Variants in RNF212 observed in about 807,000 individuals in gnomAD.
RNF212 encodes the protein ring finger protein 212, also known as probable E3 SUMO-protein ligase RNF212.
In RNF212, 33 loss-of-function variants were observed where a neutral mutation model predicts 34.7. That is an observed-to-expected ratio of 0.95 (90% CI 0.72 to 1.27). The LOEUF is 1.27. RNF212 is among the 50% of genes most tolerant of loss of function. The pLI, the probability that RNF212 is intolerant of heterozygous loss-of-function variation, is 0.00. For synonymous variants in RNF212, 140 were observed against 136.1 expected (o/e 1.03, Z -0.20); for missense variants, 377 against 362.2 (o/e 1.04, Z -0.33).
chr4:1,089,849 C>T (rs527689791), intron 4 of RNF212, among the ~76,000 whole-genome samples: 10 of 152,314 alleles, frequency 6.6e-5, no homozygotes, highest in African/African-American at 1.4e-4. Flanking sequence ...TGCCTTCTGC[C>T]GTGACTGTAA....
chr4:1,096,638 C>A, intron 3 of RNF212, 127 bp downstream of exon 3: 2 of 686,506 alleles, frequency 2.9e-6, no homozygotes, highest in Non-Finnish European at 2.6e-6. Flanking sequence ...ACACCCCTCA[C>A]AGCTCCATGG....
At chr4:1,089,188 G>A (rs1380067004) in intron 4 of RNF212, among the ~76,000 whole-genome samples, 2 of 152,230 alleles carry the variant, frequency 1.3e-5, no homozygotes, top group African/African-American at 4.8e-5. Flanking sequence ...AGCCACTGGG[G>A]CTGTACCCTA....
chr4:1,061,751 G>T (rs921139720), intron 3 of RNF212, among the ~76,000 whole-genome samples: 53 of 152,194 alleles, frequency 3.5e-4, no homozygotes, highest in African/African-American at 1.2e-3. Context: ...GGCTGCCGTG[G>T]ACACAGATTC....
chr4:1,099,551 C>A (rs1723606087), intron 2 of RNF212, among the ~76,000 whole-genome samples: 1 of 152,142 alleles, frequency 6.6e-6, no homozygotes, highest in Admixed American at 6.5e-5. Flanking sequence ...GAGGCCCTCG[C>A]ATCATCAAGA....
intron 3 of RNF212, among the ~76,000 whole-genome samples, chr4:1,091,737 G>A (rs1722215461): frequency 6.6e-6 from 1 of 152,230 alleles, no homozygotes; most frequent in African/African-American, 2.4e-5. Flanking sequence ...GCCATCTCCA[G>A]AGGATGGGGC....
chr4:1,083,215 G>A (rs1392663911), intron 5 of RNF212, among the ~76,000 whole-genome samples: 1 of 152,206 alleles, frequency 6.6e-6, no homozygotes, highest in Non-Finnish European at 1.5e-5. Context: ...AGGATATCAG[G>A]TAAGGAAAAT....
chr4:1,065,712 A>C (rs1178455657), intron 3 of RNF212, among the ~76,000 whole-genome samples: 2 of 152,082 alleles, frequency 1.3e-5, no homozygotes, highest in East Asian at 3.9e-4. Flanking sequence ...TCAGCTTCCC[A>C]AGTAGCTGGG....
intron 8 of RNF212, among the ~76,000 whole-genome samples, chr4:1,077,879 C>A (rs946993158): frequency 3.9e-5 from 6 of 152,180 alleles, no homozygotes; most frequent in African/African-American, 1.4e-4. Context: ...AGCACAGCTC[C>A]CGTGTTGCCG....
chr4:1,104,236 C>A (rs959338448), intron 2 of RNF212, among the ~76,000 whole-genome samples: 1 of 152,250 alleles, frequency 6.6e-6, no homozygotes, highest in African/African-American at 2.4e-5. Flanking sequence ...TGACGACATG[C>A]CTCCAAAATT....
At chr4:1,083,488 C>G (rs1008546292) in intron 5 of RNF212, among the ~76,000 whole-genome samples, 4 of 152,058 alleles carry the variant, frequency 2.6e-5, no homozygotes, top group Admixed American at 2.6e-4. Flanking sequence ...ACTAAAAATA[C>G]AAAAATCAGC....
intron 4 of RNF212, among the ~76,000 whole-genome samples, chr4:1,089,822 G>A (rs753561219): frequency 2.0e-5 from 3 of 152,220 alleles, no homozygotes; most frequent in African/African-American, 7.2e-5. Flanking sequence ...AATGTAAGAC[G>A]TGCCTTGCTT....
chr4:1,067,103 G>A (rs1718143127), downstream of RNF212, among the ~76,000 whole-genome samples: 1 of 152,072 alleles, frequency 6.6e-6, no homozygotes. Flanking sequence ...GTTTTGTTTT[G>A]AGGACATGAA....
At chr4:1,099,672 G>A in intron 2 of RNF212, 1 of 450,400 alleles carries the variant, frequency 2.2e-6, no homozygotes, top group South Asian at 1.6e-5. Flanking sequence ...GGGGGTGTGT[G>A]CGCCACAATG....
intron 3 of RNF212, among the ~76,000 whole-genome samples, chr4:1,059,005 G>A (rs1240830119): frequency 6.6e-6 from 1 of 152,264 alleles, no homozygotes; most frequent in Non-Finnish European, 1.5e-5. Context: ...CTTGTAACAT[G>A]AAAGGGGAGA....
At chr4:1,058,244 G>T (rs1000540139) in intron 4 of RNF212, 1 of 473,000 alleles carries the variant, frequency 2.1e-6, no homozygotes, top group Non-Finnish European at 2.7e-6. Context: ...AGGTGCTTGC[G>T]GGGGTTAGAA....
intron 3 of RNF212, among the ~76,000 whole-genome samples, chr4:1,060,511 C>T (rs1265445296): frequency 2.6e-5 from 4 of 152,064 alleles, no homozygotes; most frequent in Non-Finnish European, 2.9e-5. Flanking sequence ...GCCAAGGGGG[C>T]GCCATGTTTC....
intron 4 of RNF212, among the ~76,000 whole-genome samples, chr4:1,086,293 A>G (rs1470662954): frequency 6.6e-6 from 1 of 152,020 alleles, no homozygotes; most frequent in African/African-American, 2.4e-5. Flanking sequence ...GGCCACTGCC[A>G]GCTCATCCCA....
intron 4 of RNF212, among the ~76,000 whole-genome samples, chr4:1,090,056 G>A (rs2153051134): frequency 6.6e-6 from 1 of 151,206 alleles, no homozygotes; most frequent in East Asian, 1.9e-4. Flanking sequence ...GGACAGGGTG[G>A]TGGTAGCAAG....
chr4:1,057,045 C>A (rs1022311476), intron 4 of RNF212: 26 of 959,250 alleles, frequency 2.7e-5, no homozygotes, highest in Non-Finnish European at 2.9e-5. Flanking sequence ...ATGCTCGGAG[C>A]ATCTCTGGTG....
Sources: allele counts gnomAD v4.1 joint callset (sites outside exome capture counted in the v4.1 genomes callset), GRCh38; gene constraint gnomAD v4.1.1; transcripts MANE v1.5; gene names NCBI Gene and HGNC (gene_info 2026-07-23, HGNC 2026-07-21).